SUSD1: variants seen among roughly 807,000 people sequenced by gnomAD.
SUSD1 encodes the protein sushi domain containing 1, also known as sushi domain-containing protein 1.
A neutral mutation model predicts 86.9 loss-of-function variants in SUSD1; 65 were observed. The observed-to-expected ratio is 0.75, with a 90% CI of 0.61 to 0.92. SUSD1 has a LOEUF of 0.92. SUSD1 is among the 40% of genes least tolerant of loss of function. The pLI is 0.00. For synonymous variants in SUSD1, 346 were observed against 350.0 expected (o/e 0.99, Z 0.13); for missense variants, 850 against 929.7 (o/e 0.91, Z 1.11).
At chr9:112,074,428 C>T (rs1738636032) in intron 12 of SUSD1, among the ~76,000 whole-genome samples, 1 of 152,132 alleles carries the variant, frequency 6.6e-6, no homozygotes, top group South Asian at 2.1e-4. Context: ...CTCCATCTCA[C>T]CCACCCCCTC....
chr9:112,070,498 G>A (rs955573624), intron 12 of SUSD1, among the ~76,000 whole-genome samples: 1 of 152,164 alleles, frequency 6.6e-6, no homozygotes, highest in African/African-American at 2.4e-5. Flanking sequence ...CCTCGTTACT[G>A]ATTTAAACTG....
intron 1 of SUSD1, among the ~76,000 whole-genome samples, chr9:112,165,033 G>A (rs1015876073): frequency 3.3e-5 from 5 of 152,248 alleles, no homozygotes; most frequent in Non-Finnish European, 7.3e-5. Flanking sequence ...AGTTGGTCTG[G>A]GGAGGAGCCC....
intron 5 of SUSD1, among the ~76,000 whole-genome samples, chr9:112,131,200 A>G (rs1288100015): frequency 1.3e-5 from 2 of 152,270 alleles, no homozygotes; most frequent in Admixed American, 6.5e-5. Flanking sequence ...GTCCAGGTCC[A>G]GTAAATCTGG....
At position 112,109,275 on chromosome 9, in the gene SUSD1, G is replaced by A. The variant is rs144951913; in HGVS notation, c.1171+2379C>T. The stretch of plus-strand genomic sequence containing the variant: ...TAAAAGAAGGGAATAATTCAAACAT[G>A]ATATAAAGTATTCCAGAGGGAAAAA... On this transcript the variant is annotated intron_variant, in intron 8 of 16. Transcript: ENST00000374270. 3.5e-4 allele frequency among the ~76,000 whole-genome samples: 53 copies of A among 152,216 alleles called. 3 individuals are homozygous for A. The East Asian group carries it at 0.01, about 29-fold the overall frequency.
intron 1 of SUSD1, chr9:112,169,389 T>A (rs1490072179): frequency 1.4e-4 from 20 of 145,310 alleles, no homozygotes; most frequent in Admixed American, 1.2e-3. Context: ...TGTACTTGAC[T>A]AGTCAAAAAA....
chr9:112,152,261 C>A (rs1055924501), intron 2 of SUSD1, among the ~76,000 whole-genome samples: 6 of 151,124 alleles, frequency 4.0e-5, no homozygotes, highest in African/African-American at 1.5e-4. Flanking sequence ...CTTACTGTAG[C>A]TTTTTTACTT....
At chr9:112,086,141 A>G (rs930096938) in intron 10 of SUSD1, among the ~76,000 whole-genome samples, 2 of 148,084 alleles carry the variant, frequency 1.4e-5, no homozygotes, top group African/African-American at 5.3e-5. Flanking sequence ...CGCCCCTCTC[A>G]CCACCATCTC....
At chr9:112,108,827 G>A (rs1430883657) in intron 8 of SUSD1, among the ~76,000 whole-genome samples, 10 of 114,996 alleles carry the variant, frequency 8.7e-5, no homozygotes, top group Non-Finnish European at 1.4e-4. Flanking sequence ...AAAAAAAAGA[G>A]AGAGAGAAAC....
In SUSD1 at chr9:112,141,888, T is replaced by C. The variant is rs552962894; in HGVS notation, c.706+432A>G. Among the ~76,000 whole-genome samples the C allele has an allele frequency of 2.2e-5, 3 of 135,700 alleles. 1 individual carries two copies. Among genetic ancestry groups the C allele is most frequent in the South Asian group, 4.5e-4 (2 of 4,406 alleles). The allele number at this position is 135,700 out of a possible 152,430, so 89.0% of individuals were successfully genotyped here. The stretch of plus-strand genomic sequence containing the variant: ...ATATACATATATGTGTGTGTATATA[T>C]ATGTATATATATATGTTCATTCCCA... On this transcript the variant is annotated intron_variant, in intron 5 of 16. Transcript: ENST00000374270.
At chr9:112,078,499 G>A in intron 12 of SUSD1, 39 bp downstream of exon 12, 1 of 1,573,048 alleles carries the variant, frequency 6.4e-7, no homozygotes, top group South Asian at 1.1e-5. Context: ...CAATTCTGTG[G>A]TAACTTTGTT....
chr9:112,094,951 G>A (rs1253877645), intron 10 of SUSD1, among the ~76,000 whole-genome samples: 1 of 152,206 alleles, frequency 6.6e-6, no homozygotes, highest in Admixed American at 6.5e-5. Context: ...GGGGCAACAG[G>A]TATTGCACCG....
chr9:112,057,199 C>T (rs975547420), intron 14 of SUSD1, among the ~76,000 whole-genome samples: 20 of 152,316 alleles, frequency 1.3e-4, no homozygotes, highest in Admixed American at 5.9e-4. Context: ...GGAAGAGAGT[C>T]CTCACTGGGG....
At chr9:112,096,734 T>A (rs1427239368) in intron 10 of SUSD1, among the ~76,000 whole-genome samples, 1 of 151,988 alleles carries the variant, frequency 6.6e-6, no homozygotes, top group Admixed American at 6.6e-5. Flanking sequence ...GAGACAGAGT[T>A]TCACTATGTT....
intron 2 of SUSD1, among the ~76,000 whole-genome samples, chr9:112,150,048 A>G (rs913558665): frequency 3.9e-5 from 6 of 152,236 alleles, no homozygotes; most frequent in African/African-American, 9.6e-5. Flanking sequence ...AAGATGCAAA[A>G]TGAACGTAAA....
intron 6 of SUSD1, among the ~76,000 whole-genome samples, chr9:112,119,207 T>C (rs1321756583): frequency 6.6e-6 from 1 of 152,214 alleles, no homozygotes; most frequent in Admixed American, 6.5e-5. Context: ...AGCATTAAGG[T>C]CCCTAGCTGA....
chr9:112,123,463 C>A (rs541484556), intron 6 of SUSD1, among the ~76,000 whole-genome samples: 2 of 152,272 alleles, frequency 1.3e-5, no homozygotes, highest in African/African-American at 4.8e-5. Context: ...ACACTGGAGA[C>A]CACATTTCTC....
At chr9:112,061,128 G>A (rs761484298) in intron 13 of SUSD1, among the ~76,000 whole-genome samples, 8 of 152,162 alleles carry the variant, frequency 5.3e-5, no homozygotes, top group African/African-American at 9.7e-5. Flanking sequence ...TGGGAGACAC[G>A]AGCATTAAGG....
At chr9:112,118,561 T>C (rs1196420950) in intron 6 of SUSD1, among the ~76,000 whole-genome samples, 1 of 152,194 alleles carries the variant, frequency 6.6e-6, no homozygotes, top group Non-Finnish European at 1.5e-5. Flanking sequence ...CTCAGCTGAC[T>C]GCAACCTCCG....
Position 112,058,529 on chromosome 9 carries a change from G to A in SUSD1, c.2008C>T (p.Pro670Ser). The A allele has an allele frequency of 6.2e-7, 1 of 1,614,104 alleles. No homozygotes were observed. The highest frequency in any genetic ancestry group is 8.5e-7 in the Non-Finnish European group (1 of 1,180,004). Residue 670 changes from proline (P) to serine (S), a missense_variant, in exon 14 of 17, where the codon CCT becomes TCT. Pro to Ser is a moderately conservative substitution (Grantham distance 74). Transcript: ENST00000374270. ...KDVPDDAMEI[P>S]IGDRLYYGEY... ...CCATAGTACAGCCTGTCTCCTATAG[G>A]TATCTCCATGGCATCATCTGGAACA...
Sources: gnomAD v4.1 joint callset for allele counts (sites outside exome capture counted in the v4.1 genomes callset) on GRCh38, gnomAD v4.1.1 for gene constraint, MANE v1.5 for transcripts, NCBI Gene and HGNC (gene_info 2026-07-23, HGNC 2026-07-21) for gene names.